The following PARD3B variants were observed in gnomAD, a reference collection of about 807,000 sequenced individuals.
The protein encoded by PARD3B is partitioning defective 3 homolog B.
A neutral mutation model predicts 130.2 loss-of-function variants in PARD3B; 103 were observed. That is an observed-to-expected ratio of 0.79 (90% CI 0.67 to 0.93). The LOEUF is 0.93. Among genes scored for constraint, PARD3B ranks in the 40% least tolerant of loss-of-function variants. The pLI is 0.00. For missense variants in PARD3B, 1,609 were observed against 1,499.2 expected (o/e 1.07, Z -1.21); for synonymous variants, 583 against 553.2 (o/e 1.05, Z -0.76).
At chr2:205,275,653 T>C (rs2040913372) in intron 16 of PARD3B, among the ~76,000 whole-genome samples, 1 of 151,854 alleles carries the variant, frequency 6.6e-6, no homozygotes, top group Admixed American at 6.6e-5. Context: ...CTTACCAACA[T>C]GGTGAAACCC....
intron 2 of PARD3B, among the ~76,000 whole-genome samples, chr2:204,871,914 A>T (rs1197344972): frequency 6.6e-6 from 1 of 152,130 alleles, no homozygotes; most frequent in Non-Finnish European, 1.5e-5. Flanking sequence ...TAAAGACAGC[A>T]TGGAAGAGAA....
In PARD3B at chr2:205,449,477, C is replaced by T. The variant is rs571075744; in HGVS notation, c.3044+8805C>T. 3.9e-5 allele frequency among the ~76,000 whole-genome samples: 6 copies of T among 152,068 alleles called. No homozygotes were observed. In the East Asian group the frequency reaches 7.8e-4, roughly 20 times the overall value. ...AACTCCTGACCTCAGGTGATCCACC[C>T]GCCTAGGCCTCCCAAAGCGCTGGGA... is the stretch of plus-strand genomic sequence containing the variant. On this transcript the variant is annotated intron_variant, in intron 20 of 22. Coordinates refer to ENST00000406610, the MANE Select transcript of PARD3B (RefSeq NM_001302769.2).
chr2:205,353,909 G>T (rs1359125048), intron 18 of PARD3B, among the ~76,000 whole-genome samples: 1 of 151,972 alleles, frequency 6.6e-6, no homozygotes, highest in Non-Finnish European at 1.5e-5. Flanking sequence ...TCTCAAGAAG[G>T]TTAATAGGGG....
At chr2:204,718,615 T>C (rs1221290074) in intron 2 of PARD3B, among the ~76,000 whole-genome samples, 1 of 152,194 alleles carries the variant, frequency 6.6e-6, no homozygotes, top group Admixed American at 6.5e-5. Context: ...AGCCAAACCA[T>C]GTCACTGACT....
chr2:205,249,150 C>T (rs567597575), intron 16 of PARD3B, among the ~76,000 whole-genome samples: 3 of 150,524 alleles, frequency 2.0e-5, no homozygotes, highest in South Asian at 2.1e-4. Context: ...GCTGGGATTA[C>T]AGGCATGTGT....
At chr2:205,507,095 C>T (rs2050395634) in intron 21 of PARD3B, among the ~76,000 whole-genome samples, 1 of 149,712 alleles carries the variant, frequency 6.7e-6, no homozygotes, top group African/African-American at 2.5e-5. Flanking sequence ...CAGGAAACAT[C>T]CTGGAGTGGA....
intron 21 of PARD3B, among the ~76,000 whole-genome samples, chr2:205,517,332 C>T (rs566389586): frequency 3.6e-4 from 55 of 151,746 alleles, no homozygotes; most frequent in Non-Finnish European, 5.6e-4. Flanking sequence ...CAGGAATCTA[C>T]CCATCTCTTC....
At chr2:205,495,588 T>C (rs2049895645) in intron 20 of PARD3B, among the ~76,000 whole-genome samples, 1 of 152,158 alleles carries the variant, frequency 6.6e-6, no homozygotes, top group African/African-American at 2.4e-5. Context: ...CTAAATTCCA[T>C]GAAGCAAGGA....
At chr2:205,432,622 T>C (rs2047377284) in intron 19 of PARD3B, among the ~76,000 whole-genome samples, 2 of 152,186 alleles carry the variant, frequency 1.3e-5, no homozygotes, top group African/African-American at 4.8e-5. Context: ...ATTTTATATT[T>C]TCAGTAGTGC....
chr2:204,962,268 G>A (rs546985746), intron 2 of PARD3B, among the ~76,000 whole-genome samples: 1 of 152,282 alleles, frequency 6.6e-6, no homozygotes, highest in South Asian at 2.1e-4. Context: ...AGACCAGAAG[G>A]AGAGAGAAGG....
chr2:205,534,055 C>CAAAA (rs71410823), intron 21 of PARD3B, among the ~76,000 whole-genome samples: 31 of 129,394 alleles, frequency 2.4e-4, no homozygotes, highest in African/African-American at 7.8e-4. Context: ...GTGAAAAAGC[C>CAAAA]AAAAAAAAAA....
intron 2 of PARD3B, among the ~76,000 whole-genome samples, chr2:204,909,354 CA>C (rs1461508533): frequency 6.6e-6 from 1 of 151,794 alleles, no homozygotes; most frequent in African/African-American, 2.4e-5. Context: ...GTTAATGGTT[CA>C]AAAAAAGGCA....
At chr2:204,797,225 A>G (rs1193391299) in intron 2 of PARD3B, among the ~76,000 whole-genome samples, 1 of 151,948 alleles carries the variant, frequency 6.6e-6, no homozygotes, top group African/African-American at 2.4e-5. Flanking sequence ...AAGCTTTCAT[A>G]GAAAAATAAA....
At chr2:205,559,815 T>C (rs544385142) in intron 22 of PARD3B, among the ~76,000 whole-genome samples, 1 of 152,208 alleles carries the variant, frequency 6.6e-6, no homozygotes, top group African/African-American at 2.4e-5. Flanking sequence ...GCCAGGGTGG[T>C]CTTGAACTTC....
chr2:205,130,954 C>T (rs905742851), intron 10 of PARD3B, among the ~76,000 whole-genome samples: 1 of 152,118 alleles, frequency 6.6e-6, no homozygotes, highest in Non-Finnish European at 1.5e-5. Context: ...GTCATGGTTA[C>T]CTGTCCCTGT....
chr2:205,160,761 C>T lies in PARD3B; in HGVS notation c.1620+1854C>T, dbSNP rs1311326951. Among the ~76,000 whole-genome samples the T allele has an allele frequency of 1.3e-5, 2 of 152,204 alleles. No individual in the cohort carries two copies. The highest frequency in any genetic ancestry group is 4.8e-5 in the African/African-American group (2 of 41,452). ...GGTTATCTAACTTTATTCACATTTA[C>T]ATTGGATTATTTTCAGTCCATTTTA... On this transcript the variant is annotated intron_variant, in intron 11 of 22. Transcript: ENST00000406610. This position sits in a 1 kb window ranked among gnomAD's most constrained non-coding sequence, Gnocchi z 4.0.
rs563771494 is a variant in PARD3B at position 205,591,731 on chromosome 2, G to A, written c.3261-23725G>A. 5.3e-5 allele frequency among the ~76,000 whole-genome samples: 8 copies of A among 152,274 alleles called. No individual in the cohort carries two copies. The highest frequency in any genetic ancestry group is 1.7e-4 in the African/African-American group (7 of 41,566). Reference sequence around the variant, plus strand: ...AACCTAAACACAGACATACAAGGAGGGAATCAGGAGGGACCCCAGTCAGAT... The same window carrying A: ...AACCTAAACACAGACATACAAGGAGAGAATCAGGAGGGACCCCAGTCAGAT... On this transcript the variant is annotated intron_variant, in intron 22 of 22. Transcript: ENST00000406610. The surrounding 1 kb of genome is among the most constrained non-coding windows in gnomAD (Gnocchi z 4.2).
intron 3 of PARD3B, among the ~76,000 whole-genome samples, chr2:204,994,959 T>G (rs1246547942): frequency 6.6e-6 from 1 of 151,434 alleles, no homozygotes; most frequent in East Asian, 1.9e-4. Flanking sequence ...CCTTTTATTT[T>G]GAGCCTATGT....
intron 20 of PARD3B, among the ~76,000 whole-genome samples, chr2:205,493,745 T>C (rs1025090433): frequency 6.8e-6 from 1 of 146,162 alleles, no homozygotes; most frequent in Non-Finnish European, 1.5e-5. Context: ...TTTATTTATT[T>C]ATTTATTTAT....
Sources: gnomAD v4.1 joint callset for allele counts (sites outside exome capture counted in the v4.1 genomes callset) on GRCh38, gnomAD v4.1.1 for gene constraint, Gnocchi (gnomAD v3.1) non-coding constraint, MANE v1.5 for transcripts, NCBI Gene and HGNC (gene_info 2026-07-23, HGNC 2026-07-21) for gene names.